Variants in GRM7 observed in about 807,000 individuals in gnomAD.
GRM7 encodes the protein metabotropic glutamate receptor 7.
GRM7 carries 35 observed loss-of-function variants against 84.5 expected under a neutral mutation model. The observed-to-expected ratio is 0.41, with a 90% CI of 0.32 to 0.55. The LOEUF (loss-of-function observed/expected upper bound fraction) is 0.55. Ranked by LOEUF, GRM7 falls within the 20% of genes least tolerant of loss-of-function variation. The probability of loss-of-function intolerance (pLI) is 0.19; values close to 1 mark genes in which losing one functional copy is unlikely to be tolerated. For synonymous variants in GRM7, 487 were observed against 455.1 expected (o/e 1.07, Z -0.89); for missense variants, 1,003 against 1,194.6 (o/e 0.84, Z 2.36).
intron 4 of GRM7, among the ~76,000 whole-genome samples, chr3:7,391,815 C>G (rs979211259): frequency 6.6e-6 from 1 of 151,276 alleles, no homozygotes; most frequent in Non-Finnish European, 1.5e-5. Context: ...TAATGAAGAA[C>G]GATGAAAAAT....
intron 1 of GRM7, among the ~76,000 whole-genome samples, chr3:7,146,135 A>G (rs1694104031): frequency 6.6e-6 from 1 of 152,164 alleles, no homozygotes; most frequent in Non-Finnish European, 1.5e-5. Flanking sequence ...AGCATGATTC[A>G]CCATGTTTGG....
chr3:7,045,633 G>A (rs907844042), intron 1 of GRM7, among the ~76,000 whole-genome samples: 1 of 152,030 alleles, frequency 6.6e-6, no homozygotes, highest in African/African-American at 2.4e-5. Context: ...GTGATATTGT[G>A]AACTATTTGT....
At chr3:6,902,994 C>A (rs905670558) in intron 1 of GRM7, among the ~76,000 whole-genome samples, 1 of 151,974 alleles carries the variant, frequency 6.6e-6, no homozygotes, top group African/African-American at 2.4e-5. Context: ...CAATTAAAAA[C>A]CAGCCTCTAT....
chr3:7,628,984 C>T (rs891498338), intron 8 of GRM7, among the ~76,000 whole-genome samples: 2 of 152,108 alleles, frequency 1.3e-5, no homozygotes, highest in Non-Finnish European at 2.9e-5. Context: ...ATACATATTG[C>T]AAATCTCTAC....
intron 8 of GRM7, among the ~76,000 whole-genome samples, chr3:7,624,782 C>A (rs1185180097): frequency 6.6e-6 from 1 of 152,096 alleles, no homozygotes; most frequent in Non-Finnish European, 1.5e-5. Context: ...AATCTCCTGG[C>A]TTCTGGCTGT....
chr3:7,608,620 T>G (rs1279597003), intron 8 of GRM7, among the ~76,000 whole-genome samples: 1 of 152,192 alleles, frequency 6.6e-6, no homozygotes, highest in Non-Finnish European at 1.5e-5. Flanking sequence ...ATTAGACTTT[T>G]GTCACATTCA....
At chr3:7,703,254 A>AC (rs1701283553) in intron 9 of GRM7, among the ~76,000 whole-genome samples, 1 of 152,012 alleles carries the variant, frequency 6.6e-6, no homozygotes, top group Non-Finnish European at 1.5e-5. Context: ...AAATTTTGGG[A>AC]CCCCACTCCA....
chr3:7,568,483 C>T (rs995330306), intron 7 of GRM7, among the ~76,000 whole-genome samples: 10 of 152,360 alleles, frequency 6.6e-5, no homozygotes, highest in African/African-American at 1.4e-4. Context: ...TCGGCCTTGG[C>T]GCCCACTCTG....
chr3:7,013,844 T>C (rs975776873), intron 1 of GRM7, among the ~76,000 whole-genome samples: 2 of 152,204 alleles, frequency 1.3e-5, no homozygotes, highest in African/African-American at 4.8e-5. Context: ...AATCTATTAA[T>C]ATGTCCTATC....
At chr3:6,898,329 G>T (rs1696262142) in intron 1 of GRM7, among the ~76,000 whole-genome samples, 1 of 149,868 alleles carries the variant, frequency 6.7e-6, no homozygotes, top group Admixed American at 6.7e-5. Context: ...TGATGACTAT[G>T]AAGTAGGGAT....
At chr3:7,178,324 T>A (rs1695221940) in intron 2 of GRM7, among the ~76,000 whole-genome samples, 1 of 152,214 alleles carries the variant, frequency 6.6e-6, no homozygotes, top group African/African-American at 2.4e-5. Context: ...TCTGCCACTC[T>A]CTTCCTGACT....
chr3:7,039,854 T>A (rs548855248), intron 1 of GRM7, among the ~76,000 whole-genome samples: 74 of 152,312 alleles, frequency 4.9e-4, no homozygotes, highest in Non-Finnish European at 8.7e-4. Flanking sequence ...CCCATTTCAA[T>A]GTTTTAGAAT....
intron 2 of GRM7, among the ~76,000 whole-genome samples, chr3:7,255,624 A>G (rs1276478932): frequency 6.6e-6 from 1 of 152,224 alleles, no homozygotes; most frequent in African/African-American, 2.4e-5. Context: ...CTGCTCATTC[A>G]AGGTGTGTAA....
intron 7 of GRM7, among the ~76,000 whole-genome samples, chr3:7,484,055 T>C (rs1487173275): frequency 6.6e-6 from 1 of 152,220 alleles, no homozygotes; most frequent in Non-Finnish European, 1.5e-5. Flanking sequence ...TTCAAAGATC[T>C]GATTCTATAA....
At chr3:7,466,143 G>A (rs1698451699) in intron 7 of GRM7, among the ~76,000 whole-genome samples, 1 of 152,144 alleles carries the variant, frequency 6.6e-6, no homozygotes, top group South Asian at 2.1e-4. Context: ...GAGAAGAAGG[G>A]ACAATGCAAC....
chr3:7,419,064 T>A (rs539690959), intron 5 of GRM7, among the ~76,000 whole-genome samples: 1 of 152,262 alleles, frequency 6.6e-6, no homozygotes, highest in South Asian at 2.1e-4. Context: ...TTCAGTGGCC[T>A]GTGAGGAATT....
chr3:7,526,990 A>T (rs1700833402), intron 7 of GRM7, among the ~76,000 whole-genome samples: 4 of 151,782 alleles, frequency 2.6e-5, no homozygotes, highest in Admixed American at 2.6e-4. Context: ...TTTTTACTTC[A>T]GATTTCTTTG....
At chr3:6,948,421 A>C (rs1698174506) in intron 1 of GRM7, among the ~76,000 whole-genome samples, 1 of 152,138 alleles carries the variant, frequency 6.6e-6, no homozygotes, top group Non-Finnish European at 1.5e-5. Flanking sequence ...TCTGAGAGAC[A>C]GTTTGTTATA....
At chr3:7,421,718 C>T (rs1334012766) in intron 5 of GRM7, among the ~76,000 whole-genome samples, 2 of 151,974 alleles carry the variant, frequency 1.3e-5, no homozygotes, top group Non-Finnish European at 2.9e-5. Context: ...CTCAGGGCTT[C>T]TCCAGGTACA....
Sources: gnomAD v4.1 joint callset for allele counts (sites outside exome capture counted in the v4.1 genomes callset) on GRCh38, gnomAD v4.1.1 for gene constraint, MANE v1.5 for transcripts, NCBI Gene and HGNC (gene_info 2026-07-23, HGNC 2026-07-21) for gene names.